The following PLAC1 variants were observed in gnomAD, a reference collection of about 807,000 sequenced individuals.
The protein encoded by PLAC1 is placenta-specific protein 1.
For missense variants in PLAC1, 136 were observed against 163.2 expected (o/e 0.83, Z 0.91); for synonymous variants, 68 against 62.1 (o/e 1.09, Z -0.44).
intron 1 of PLAC1, among the ~76,000 whole-genome samples, chrX:134,653,959 T>C (rs1302818699): frequency 8.9e-6 from 1 of 112,034 alleles, no homozygotes; most frequent in Non-Finnish European, 1.9e-5. Flanking sequence ...GGAATCACAT[T>C]TTTCCAATCA....
At chrX:134,572,192 C>T (rs1028598131) in intron 2 of PLAC1, among the ~76,000 whole-genome samples, 3 of 111,331 alleles carry the variant, frequency 2.7e-5, no homozygotes, top group Admixed American at 9.6e-5. Flanking sequence ...GGAATCCTAA[C>T]ACTTTGTGGG....
chrX:134,716,548 C>T (rs1395953043), intron 2 of PLAC1, among the ~76,000 whole-genome samples: 2 of 112,257 alleles, frequency 1.8e-5, no homozygotes, highest in Non-Finnish European at 1.9e-5. Flanking sequence ...TGTGTTTAGG[C>T]GTGGAGCTCC....
upstream of PLAC1, among the ~76,000 whole-genome samples, chrX:134,660,381 C>T (rs1430552427): frequency 2.7e-5 from 3 of 112,270 alleles, no homozygotes; most frequent in Admixed American, 1.9e-4. Context: ...GCTGGGATTA[C>T]AGGCGTGAGC....
intron 2 of PLAC1, among the ~76,000 whole-genome samples, chrX:134,722,632 T>C (rs2078661470): frequency 8.9e-6 from 1 of 111,844 alleles, no homozygotes; most frequent in Admixed American, 9.5e-5. Context: ...CTAAATATAC[T>C]AAAACCACTT....
At chrX:134,759,024 C>T (rs2078763606) in intron 1 of PLAC1, among the ~76,000 whole-genome samples, 1 of 111,975 alleles carries the variant, frequency 8.9e-6, no homozygotes, top group South Asian at 3.7e-4. Flanking sequence ...TGAAAAAATA[C>T]TCTACATCGC....
At chrX:134,636,760 G>A (rs2124422194) in intron 1 of PLAC1, among the ~76,000 whole-genome samples, 1 of 112,097 alleles carries the variant, frequency 8.9e-6, no homozygotes, top group African/African-American at 3.2e-5. Context: ...TTGTGCTTGG[G>A]CAGACAATTC....
At chrX:134,760,523 G>T (rs2078767211) in intron 1 of PLAC1, among the ~76,000 whole-genome samples, 1 of 111,008 alleles carries the variant, frequency 9.0e-6, no homozygotes, top group East Asian at 2.8e-4. Context: ...AATAGCAAAA[G>T]ACTGGAAGCA....
At chrX:134,645,647 C>G (rs766797818) in intron 1 of PLAC1, among the ~76,000 whole-genome samples, 16 of 112,079 alleles carry the variant, frequency 1.4e-4, no homozygotes, top group Non-Finnish European at 2.6e-4. Flanking sequence ...CTGTCTCTTC[C>G]TCCCTGCAAG....
chrX:134,637,466 C>T (rs2078288740), intron 1 of PLAC1, among the ~76,000 whole-genome samples: 1 of 111,992 alleles, frequency 8.9e-6, no homozygotes, highest in African/African-American at 3.2e-5. Flanking sequence ...ACTATCGTCA[C>T]CATAACTTGC....
intron 2 of PLAC1, among the ~76,000 whole-genome samples, chrX:134,578,515 CTTTTTTTTTTTT>C (rs766626696): frequency 8.9e-5 from 5 of 55,970 alleles, no homozygotes; most frequent in Non-Finnish European, 1.5e-4. Flanking sequence ...TTCTTTCTTT[CTTTTTTTTTTTT>C]TTTTTTTTTT....
At chrX:134,691,878 T>C (rs2078543682) in intron 2 of PLAC1, among the ~76,000 whole-genome samples, 2 of 111,566 alleles carry the variant, frequency 1.8e-5, no homozygotes, top group Admixed American at 1.9e-4. Context: ...AGGTGGCAAG[T>C]GGGAGAGTTC....
intron 1 of PLAC1, among the ~76,000 whole-genome samples, chrX:134,755,295 C>G (rs1246074182): frequency 8.9e-6 from 1 of 112,348 alleles, no homozygotes; most frequent in East Asian, 2.8e-4. Flanking sequence ...TAAGTGGTAG[C>G]TCTTATTGGT....
At chrX:134,723,655 A>G (rs1163154706) in intron 2 of PLAC1, among the ~76,000 whole-genome samples, 1 of 111,354 alleles carries the variant, frequency 9.0e-6, no homozygotes, top group African/African-American at 3.3e-5. Context: ...AGGAAAGTGG[A>G]CTAGAAATAC....
chrX:134,698,088 A>AAT (rs542566087), intron 2 of PLAC1, among the ~76,000 whole-genome samples: 13 of 110,726 alleles, frequency 1.2e-4, no homozygotes, highest in East Asian at 8.5e-4. Flanking sequence ...TTCTGTTATA[A>AAT]ATATATATAT....
chrX:134,576,857 T>G (rs2077942229), intron 2 of PLAC1, among the ~76,000 whole-genome samples: 1 of 111,671 alleles, frequency 9.0e-6, no homozygotes, highest in Admixed American at 9.5e-5. Context: ...AAGAGGCTTC[T>G]CTAGAGCCGT....
intron 2 of PLAC1, among the ~76,000 whole-genome samples, chrX:134,669,622 G>T (rs943538094): frequency 1.8e-5 from 2 of 112,260 alleles, no homozygotes; most frequent in African/African-American, 6.5e-5. Context: ...TTGCAGAATG[G>T]GTAGGAGTTA....
intron 2 of PLAC1, among the ~76,000 whole-genome samples, chrX:134,690,765 C>G (rs2078533494): frequency 9.6e-6 from 1 of 104,644 alleles, no homozygotes; most frequent in African/African-American, 3.5e-5. Flanking sequence ...AACCCCGTCT[C>G]TACTAAAAAT....
At chrX:134,749,956 A>G (rs970643839) in intron 1 of PLAC1, among the ~76,000 whole-genome samples, 1 of 111,574 alleles carries the variant, frequency 9.0e-6, no homozygotes, top group Non-Finnish European at 1.9e-5. Context: ...AGAACAAGCA[A>G]TGGAATCTTG....
At chrX:134,640,332 G>A (rs1227739746) in intron 1 of PLAC1, among the ~76,000 whole-genome samples, 1 of 111,275 alleles carries the variant, frequency 9.0e-6, no homozygotes, top group Non-Finnish European at 1.9e-5. Flanking sequence ...TTGACTGGGA[G>A]GGTTGTTTCT....
Sources: allele counts gnomAD v4.1 joint callset (sites outside exome capture counted in the v4.1 genomes callset), GRCh38; gene constraint gnomAD v4.1.1; transcripts MANE v1.5; gene names NCBI Gene and HGNC (gene_info 2026-07-23, HGNC 2026-07-21).